NUP188: variants seen among roughly 807,000 people sequenced by gnomAD.
The protein encoded by NUP188 is nucleoporin NUP188.
In NUP188, 97 loss-of-function variants were observed where a neutral mutation model predicts 223.0. That is an observed-to-expected ratio of 0.43 (90% CI 0.37 to 0.51). The LOEUF (loss-of-function observed/expected upper bound fraction) is 0.51. NUP188 is among the 20% of genes least tolerant of loss of function. NUP188 has a pLI of 0.00. For synonymous variants in NUP188, 869 were observed against 828.0 expected, an observed-to-expected ratio of 1.05 and a Z score of -0.85; for missense variants, 1,947 against 2,175.6, an observed-to-expected ratio of 0.89 and a Z score of 2.09.
intron 19 of NUP188, among the ~76,000 whole-genome samples, chr9:128,983,884 G>T (rs1035673111): frequency 6.6e-6 from 1 of 151,886 alleles, no homozygotes; most frequent in Non-Finnish European, 1.5e-5. Flanking sequence ...GCAGTGGCAC[G>T]ATCTAAGCTC....
intron 9 of NUP188, 80 bp downstream of exon 9, chr9:128,968,797 G>T: frequency 9.1e-7 from 1 of 1,094,568 alleles, no homozygotes; most frequent in Non-Finnish European, 1.4e-6. Flanking sequence ...CAGGTAGGGG[G>T]TAGGTGTACT....
intron 25 of NUP188, among the ~76,000 whole-genome samples, chr9:128,992,328 G>A (rs1342390077): frequency 6.6e-6 from 1 of 152,160 alleles, no homozygotes; most frequent in African/African-American, 2.4e-5. Flanking sequence ...AGGTTGCTGG[G>A]ATTACAGGCG....
intron 37 of NUP188, 72 bp downstream of exon 37, chr9:129,003,047 G>GT: frequency 6.5e-7 from 1 of 1,538,742 alleles, no homozygotes. Flanking sequence ...CATGGGGCAG[G>GT]TGGGTGTGGA....
chr9:129,001,597 G>T lies in NUP188; in HGVS notation c.3912G>T (p.Leu1304=). ...CEVDEDGDSW[L]QVTRRLPILP... ...TAGACGAGGATGGTGACTCCTGGCT[G>T]CAGGTAACCCGCAGGCTCCCCATCC... The change falls in exon 35 of 44, where the codon CTG becomes CTT. Residue 1304 remains leucine (L), a synonymous_variant. Coordinates refer to ENST00000372577, the MANE Select transcript of NUP188 (RefSeq NM_015354.3). 6.2e-7 allele frequency: 1 copy of T among 1,614,042 alleles called. No homozygotes were observed. Among genetic ancestry groups the T allele is most frequent in the Non-Finnish European group, 8.5e-7 (1 of 1,180,002 alleles).
At position 129,005,852 on chromosome 9, in the gene NUP188, G is replaced by A. The variant is rs568397958; in HGVS notation, c.4869+76G>A. The A allele has an allele frequency of 5.9e-6, 9 of 1,525,338 alleles. No individual in the cohort carries two copies. The East Asian group carries it at 1.8e-4, about 31-fold the overall frequency. The allele number at this position is 1,525,338 out of a possible 1,614,324, so 94.5% of individuals were successfully genotyped here. On this transcript the variant is annotated intron_variant, in intron 41 of 43. Coordinates refer to ENST00000372577, the MANE Select transcript of NUP188 (RefSeq NM_015354.3). The stretch of plus-strand genomic sequence containing the variant: ...CCTGCCACTTCCCAGCTGACCTTGG[G>A]CATGTTGGGCATGGTACCTAGCCTC...
rs141848819 is a variant in NUP188, at chr9:128,999,783, G to A, written c.3821G>A (p.Arg1274Gln). 251 of 1,614,062 alleles carry A rather than the reference G, an allele frequency of 1.6e-4. No homozygotes were observed. Among genetic ancestry groups the A allele is most frequent in the Middle Eastern group, 3.3e-4 (2 of 6,084 alleles). The change falls in exon 34 of 44, where the codon CGG (arginine) becomes CAG (glutamine). Residue 1274 changes from arginine to glutamine, a missense_variant. Arg to Gln is a conservative substitution (Grantham distance 43, BLOSUM62 1). Coordinates refer to ENST00000372577, the MANE Select transcript of NUP188 (RefSeq NM_015354.3). ...GAGACTGACGACTGTTCTCGGTCCCGGCACAGGGACCAGCGTGATGGGGTG... is the reference window on the plus strand; with the variant it reads ...GAGACTGACGACTGTTCTCGGTCCCAGCACAGGGACCAGCGTGATGGGGTG... The part of the protein sequence containing the change: ...SMETDDCSRS[R>Q]HRDQRDGVCV...
chr9:128,984,331 G>A (rs1205184999), intron 19 of NUP188, among the ~76,000 whole-genome samples: 1 of 151,798 alleles, frequency 6.6e-6, no homozygotes, highest in Non-Finnish European at 1.5e-5. Flanking sequence ...TCACCGTGTT[G>A]GCCAGGCTGG....
chr9:128,947,772 A>G, intron 1 of NUP188, 21 bp downstream of exon 1: 1 of 1,414,278 alleles, frequency 7.1e-7, no homozygotes, highest in African/African-American at 1.5e-5. Context: ...GGTCGAATGG[A>G]CCGGGGTGGC....
chr9:128,982,276 A>G (rs1842264677), intron 15 of NUP188, among the ~76,000 whole-genome samples: 1 of 151,918 alleles, frequency 6.6e-6, no homozygotes, highest in Admixed American at 6.6e-5. Flanking sequence ...CTAAAAATAC[A>G]AAAATTAGCC....
chr9:128,986,246 G>A (rs1167720402), intron 20 of NUP188, among the ~76,000 whole-genome samples: 1 of 152,120 alleles, frequency 6.6e-6, no homozygotes, highest in Non-Finnish European at 1.5e-5. Context: ...AAGTGGCATT[G>A]TTCATCATCA....
chr9:128,957,174 G>C (rs947846572), intron 5 of NUP188, 142 bp downstream of exon 5: 2 of 557,444 alleles, frequency 3.6e-6, no homozygotes, highest in Non-Finnish European at 6.4e-6. Context: ...CCTACTAAAG[G>C]CTTTAAAAAA....
At chr9:128,971,685 T>C (rs1467091732) in intron 11 of NUP188, among the ~76,000 whole-genome samples, 2 of 152,208 alleles carry the variant, frequency 1.3e-5, no homozygotes, top group Non-Finnish European at 2.9e-5. Flanking sequence ...CCCAAAGTGC[T>C]GGGATTACAG....
At position 128,956,419 on chromosome 9, in the gene NUP188, A is replaced by G. The variant is rs770906862; in HGVS notation, c.231A>G (p.Arg77=). Residue 77 remains arginine (R), a synonymous_variant, in exon 4 of 44, where the codon AGA becomes AGG. Transcript: ENST00000372577. ...CACCATTGAAGGAACTGGGTTTAAG[A>G]ATCAGCAAGTTTTTGGTGAGTAAAA... ...VASPLKELGL[R]ISKFLGLDEE... The G allele has an allele frequency of 1.3e-6, 2 of 1,575,668 alleles. 1 individual carries two copies. Among genetic ancestry groups the G allele is most frequent in the South Asian group, 2.4e-5 (2 of 83,432 alleles).
At chr9:128,981,495 C>T in intron 15 of NUP188, 105 bp downstream of exon 15, 1 of 1,192,058 alleles carries the variant, frequency 8.4e-7, no homozygotes, top group Non-Finnish European at 1.2e-6. Context: ...TCACTGCAGC[C>T]TCAAATTCTT....
chr9:128,953,184 C>A (rs554302613), intron 3 of NUP188, among the ~76,000 whole-genome samples: 5 of 152,168 alleles, frequency 3.3e-5, no homozygotes, highest in African/African-American at 1.2e-4. Context: ...AAGGATGATG[C>A]TAACAACTGA....
At chr9:128,995,544 T>G (rs368224391) in intron 30 of NUP188, 30 bp downstream of exon 30, 3 of 1,531,576 alleles carry the variant, frequency 2.0e-6, no homozygotes, top group African/African-American at 1.4e-5. Flanking sequence ...AGTTTTCACT[T>G]TGGTACCTTA....
At chr9:128,966,162 T>TGTGTGTGCGC (rs1842025670) in intron 8 of NUP188, among the ~76,000 whole-genome samples, 1 of 146,886 alleles carries the variant, frequency 6.8e-6, no homozygotes, top group African/African-American at 2.6e-5. Context: ...TGTGTGTGTG[T>TGTGTGTGCGC]GTGTGTGCGT....
intron 38 of NUP188, chr9:129,003,736 G>C (rs924251585): frequency 4.5e-6 from 2 of 446,456 alleles, no homozygotes; most frequent in Non-Finnish European, 8.3e-6. Context: ...GCTCACGCCT[G>C]TAATCCTAGC....
chr9:128,995,000 G>T, intron 29 of NUP188, 77 bp downstream of exon 29: 1 of 1,068,288 alleles, frequency 9.4e-7, no homozygotes. Flanking sequence ...TGGGTGCATG[G>T]CTGGAAGAGC....
Sources: allele counts gnomAD v4.1 joint callset (sites outside exome capture counted in the v4.1 genomes callset), GRCh38; gene constraint gnomAD v4.1.1; transcripts MANE v1.5; gene names NCBI Gene and HGNC (gene_info 2026-07-23, HGNC 2026-07-21).